BLTP1: variants seen among roughly 807,000 people sequenced by gnomAD.
BLTP1 encodes the protein fragile site-associated protein.
At chr4:122,215,149 A>T in the BLTP1 span, among the ~76,000 whole-genome samples, 1 of 152,234 alleles carries the variant, frequency 6.6e-6, no homozygotes, top group Non-Finnish European at 1.5e-5. Context: ...TTTAATAAAA[A>T]TTAGCAAATG....
At chr4:122,170,041 T>C in the BLTP1 span, 1 of 968,374 alleles carries the variant, frequency 1.0e-6, no homozygotes, top group Non-Finnish European at 1.2e-6. Flanking sequence ...GCGCGGTGGC[T>C]CACGCATGTA....
chr4:122,322,431 T>C, the BLTP1 span, among the ~76,000 whole-genome samples: 1 of 86,876 alleles, frequency 1.2e-5, no homozygotes, highest in Non-Finnish European at 2.5e-5. Flanking sequence ...TTGCATGCTG[T>C]CCACTTTATG....
chr4:122,258,925 T>G, the BLTP1 span: 1 of 747,640 alleles, frequency 1.3e-6, no homozygotes. Flanking sequence ...AAATGTTAGG[T>G]GTCCACCCTA....
chr4:122,356,121 T>C, the BLTP1 span: 1,199 of 675,814 alleles, frequency 1.8e-3, 5 homozygotes, highest in African/African-American at 0.02. Flanking sequence ...TTGATTTATT[T>C]TCTTATCAGC....
the BLTP1 span, among the ~76,000 whole-genome samples, chr4:122,268,736 TG>T: frequency 2.0e-5 from 3 of 152,176 alleles, no homozygotes; most frequent in South Asian, 2.1e-4. Context: ...TAAAATGTTA[TG>T]GGGATTTATT....
chr4:122,238,430 C>T, the BLTP1 span: 8 of 1,108,510 alleles, frequency 7.2e-6, no homozygotes, highest in Non-Finnish European at 9.3e-6. Context: ...AAAACTTCTT[C>T]CCTCTCCACT....
At chr4:122,335,612 C>G in the BLTP1 span, among the ~76,000 whole-genome samples, 6 of 152,078 alleles carry the variant, frequency 3.9e-5, no homozygotes, top group African/African-American at 1.2e-4. Context: ...GCTATTAACC[C>G]CTTTTATAAA....
chr4:122,158,880 G>T, the BLTP1 span, among the ~76,000 whole-genome samples: 206 of 152,310 alleles, frequency 1.4e-3, 3 homozygotes, highest in African/African-American at 4.6e-3. Context: ...TTTTGGTTGG[G>T]TGATATGACT....
chr4:122,178,917 A>G, the BLTP1 span, among the ~76,000 whole-genome samples: 1 of 152,120 alleles, frequency 6.6e-6, no homozygotes, highest in African/African-American at 2.4e-5. Context: ...TGCGTAAATC[A>G]CTCTTTTCCT....
the BLTP1 span, chr4:122,270,268 C>T: frequency 3.2e-6 from 2 of 632,700 alleles, no homozygotes. Flanking sequence ...AAAGCAGCTT[C>T]TGATTTTTTT....
chr4:122,224,885 G>A, the BLTP1 span: 2 of 1,446,198 alleles, frequency 1.4e-6, no homozygotes, highest in Non-Finnish European at 1.8e-6. Context: ...AATTTGTTGG[G>A]TGTAATGTGT....
the BLTP1 span, chr4:122,172,874 A>G: frequency 1.0e-6 from 1 of 964,164 alleles, no homozygotes; most frequent in South Asian, 4.8e-5. Context: ...AATGGATCTG[A>G]TCGGAATTTA....
At chr4:122,257,231 C>G in the BLTP1 span, 2 of 1,609,370 alleles carry the variant, frequency 1.2e-6, no homozygotes, top group Non-Finnish European at 1.7e-6. Context: ...TAGATTACTT[C>G]TAACCACATG....
chr4:122,263,672 G>A, the BLTP1 span: 173,607 of 915,248 alleles, frequency 0.19, 19,532 homozygotes, highest in Non-Finnish European at 0.2. Context: ...TTTTTCAGGG[G>A]ATGGGTTAAA....
At chr4:122,247,943 G>T in the BLTP1 span, 2 of 985,032 alleles carry the variant, frequency 2.0e-6, no homozygotes, top group Non-Finnish European at 2.4e-6. Flanking sequence ...GAAAAAGTTA[G>T]ATTTGCTAAT....
the BLTP1 span, chr4:122,224,049 T>C: frequency 4.1e-6 from 4 of 980,312 alleles, no homozygotes; most frequent in Non-Finnish European, 4.8e-6. Flanking sequence ...CCTCAGAATC[T>C]ATATGGAAGT....
At chr4:122,336,562 A>G in the BLTP1 span, 44 of 794,442 alleles carry the variant, frequency 5.5e-5, no homozygotes, top group Non-Finnish European at 6.7e-5. Context: ...TAACTTTCCC[A>G]TGGCCCCACC....
the BLTP1 span, chr4:122,175,250 A>T: frequency 1.0e-6 from 1 of 985,094 alleles, no homozygotes; most frequent in Non-Finnish European, 1.2e-6. Context: ...CTCACTTAAA[A>T]CTAGAGGAGA....
At chr4:122,307,443 G>C in the BLTP1 span, 1 of 983,654 alleles carries the variant, frequency 1.0e-6, no homozygotes, top group Non-Finnish European at 1.2e-6. Context: ...CTTTTTAGAG[G>C]CCCCTCCATC....
Sources: allele counts gnomAD v4.1 joint callset (sites outside exome capture counted in the v4.1 genomes callset), GRCh38; gene constraint gnomAD v4.1.1; transcripts MANE v1.5; gene names NCBI Gene and HGNC (gene_info 2026-07-23, HGNC 2026-07-21).